TSPAN11: variants seen among roughly 807,000 people sequenced by gnomAD.
TSPAN11 encodes tetraspanin 11, also known as tetraspanin-11.
In TSPAN11, 29 loss-of-function variants were observed where a neutral mutation model predicts 32.9. The ratio of observed to expected loss-of-function variants is 0.88; its 90% confidence interval spans 0.66 to 1.20. The LOEUF is 1.20. TSPAN11 is among the 50% of genes most tolerant of loss of function. TSPAN11 has a pLI of 0.00. For missense variants in TSPAN11, 283 were observed against 329.1 expected (o/e 0.86, Z 1.08); for synonymous variants, 140 against 141.3 (o/e 0.99, Z 0.07).
downstream of TSPAN11, chr12:30,996,737 T>C (rs979394892): frequency 6.6e-6 from 1 of 152,142 alleles, no homozygotes; most frequent in African/African-American, 2.4e-5. Context: ...ATTGGCCACA[T>C]TGGATAGGGT....
At chr12:30,930,762 C>T (rs1937904062) in intron 1 of TSPAN11, among the ~76,000 whole-genome samples, 1 of 152,184 alleles carries the variant, frequency 6.6e-6, no homozygotes. Flanking sequence ...GCTGGTCTCC[C>T]CTGTAGTAGT....
chr12:31,015,516 C>T, the TSPAN11 span: 1 of 152,354 alleles, frequency 6.6e-6, no homozygotes, highest in South Asian at 2.1e-4. The surrounding 1 kb of genome is among the most constrained non-coding windows in gnomAD (Gnocchi z 4.9). Flanking sequence ...ATAACAGAAG[C>T]TTCTGACTTC....
rs185650099 is a variant in TSPAN11, at chr12:30,958,242, T to C, written c.84+4167T>C. On this transcript the variant is annotated intron_variant, in intron 2 of 7. Coordinates refer to ENST00000546076, the MANE Select transcript of TSPAN11 (RefSeq NM_001370302.1). ...GACAGCAGAGGAGGTAGTGTTCTGA[T>C]TTATTTTATCAAGGGCTCTTTAAAG... 6.8e-4 allele frequency among the ~76,000 whole-genome samples: 103 copies of C among 152,240 alleles called. 1 individual carries two copies. Among genetic ancestry groups the C allele is most frequent in the Admixed American group, 2.2e-3 (34 of 15,300 alleles).
rs149809300 is a variant in TSPAN11, at chr12:30,979,549, G to A, written c.352-17G>A. The A allele has an allele frequency of 7.4e-5, 120 of 1,613,468 alleles. No homozygotes were observed. The African/African-American group carries it at 8.3e-4, about 11-fold the overall frequency. ...GGCTGGTCCCGCTGATGGGGACTTCGCTCCTACCCTCCTCAGCTGAGTGAT... is the reference window on the plus strand; with the variant it reads ...GGCTGGTCCCGCTGATGGGGACTTCACTCCTACCCTCCTCAGCTGAGTGAT... On this transcript the variant is annotated splice_polypyrimidine_tract_variant and intron_variant, in intron 4 of 7. Coordinates refer to ENST00000546076, the MANE Select transcript of TSPAN11 (RefSeq NM_001370302.1).
intron 1 of TSPAN11, among the ~76,000 whole-genome samples, chr12:30,945,448 T>C (rs963232097): frequency 3.3e-5 from 5 of 152,118 alleles, no homozygotes; most frequent in Admixed American, 1.3e-4. Flanking sequence ...CTTGTATTTA[T>C]GTCTGATTTA....
chr12:30,975,041 A>G lies in TSPAN11; in HGVS notation c.277-3520A>G, dbSNP rs1938934380. ...CAGCATTCCAGGCAGGGGGACAGGC[A>G]GGGCAAAGGCCCAAAGGCTGGACGC... On this transcript the variant is annotated intron_variant, in intron 3 of 7. Coordinates refer to ENST00000546076, the MANE Select transcript of TSPAN11 (RefSeq NM_001370302.1). This position sits in a 1 kb window ranked among gnomAD's most constrained non-coding sequence, Gnocchi z 4.5. Among the ~76,000 whole-genome samples the G allele has an allele frequency of 6.6e-6, 1 of 152,254 alleles. No individual in the cohort carries two copies. Among genetic ancestry groups the G allele is most frequent in the Non-Finnish European group, 1.5e-5 (1 of 68,040 alleles).
At chr12:30,984,242 T>C (rs1209721932) in intron 7 of TSPAN11, among the ~76,000 whole-genome samples, 1 of 152,228 alleles carries the variant, frequency 6.6e-6, no homozygotes, top group Non-Finnish European at 1.5e-5. Context: ...AGCAGAGGCT[T>C]TGGCCTCAGA....
At chr12:30,985,653 A>T (rs1434836595) in intron 7 of TSPAN11, among the ~76,000 whole-genome samples, 7 of 152,196 alleles carry the variant, frequency 4.6e-5, no homozygotes, top group Admixed American at 4.6e-4. Flanking sequence ...ATGGACACAG[A>T]CCAGGCCTGG....
At chr12:30,942,905 C>A (rs1938196032) in intron 1 of TSPAN11, among the ~76,000 whole-genome samples, 1 of 152,160 alleles carries the variant, frequency 6.6e-6, no homozygotes, top group African/African-American at 2.4e-5. Flanking sequence ...TGCCTGAATT[C>A]ATTTACCTGC....
intron 1 of TSPAN11, among the ~76,000 whole-genome samples, chr12:30,937,534 C>A (rs1016757903): frequency 2.0e-5 from 3 of 152,138 alleles, no homozygotes; most frequent in African/African-American, 7.2e-5. Flanking sequence ...GTGTCAGAAA[C>A]CCAACAGGAC....
At chr12:30,964,925 T>C (rs1168699073) in intron 3 of TSPAN11, among the ~76,000 whole-genome samples, 2 of 152,194 alleles carry the variant, frequency 1.3e-5, no homozygotes, top group African/African-American at 4.8e-5. Context: ...TTTTGAGCTC[T>C]TTTTCAGCAG....
chr12:31,001,069 C>T (rs1471878251), downstream of TSPAN11, among the ~76,000 whole-genome samples: 1 of 152,182 alleles, frequency 6.6e-6, no homozygotes, highest in African/African-American at 2.4e-5. Flanking sequence ...GTCCCTCTGA[C>T]CACTCTTCAC....
the TSPAN11 span, among the ~76,000 whole-genome samples, chr12:31,008,361 T>G: frequency 0.018 from 2,743 of 152,348 alleles, 88 homozygotes; most frequent in East Asian, 0.17. Context: ...GGTACAGCCA[T>G]GCCTGCTCCC....
In TSPAN11 at chr12:30,996,393, T is replaced by C. The variant is rs1029530827; in HGVS notation, c.*4478T>C. The C allele has an allele frequency of 6.6e-6, 1 of 152,258 alleles. No homozygotes were observed. Among genetic ancestry groups the C allele is most frequent in the Non-Finnish European group, 1.5e-5 (1 of 68,070 alleles). The allele number at this position is 152,258 out of a possible 1,614,324, so 9.4% of individuals were successfully genotyped here. A position where few individuals can be genotyped will look rare whatever the true frequency, so the allele number is the denominator to read the frequency against. On this transcript the variant is annotated 3_prime_UTR_variant, in exon 8 of 8. Transcript: ENST00000546076. ...CGTTATTCCAGGCAGCCCAATGTTG[T>C]TGAGGCCAGATGGATTCCTGGAAGC... is the stretch of plus-strand genomic sequence containing the variant.
chr12:31,004,461 C>A, the TSPAN11 span, among the ~76,000 whole-genome samples: 2 of 152,152 alleles, frequency 1.3e-5, no homozygotes, highest in African/African-American at 4.8e-5. Flanking sequence ...GATCATAGGA[C>A]CAAACTGGAC....
chr12:31,015,288 G>A, the TSPAN11 span, among the ~76,000 whole-genome samples: 1 of 152,164 alleles, frequency 6.6e-6, no homozygotes. The surrounding 1 kb of genome is among the most constrained non-coding windows in gnomAD (Gnocchi z 4.9). Flanking sequence ...TGTCTCATAA[G>A]GCAGTTTATA....
intron 1 of TSPAN11, among the ~76,000 whole-genome samples, chr12:30,942,727 T>TAAAAAA (rs10661944): frequency 2.8e-5 from 4 of 143,480 alleles, no homozygotes; most frequent in Non-Finnish European, 4.6e-5. Flanking sequence ...CAAATGAAGT[T>TAAAAAA]AAAAAAAAAA....
chr12:30,963,867 G>T lies in TSPAN11; in HGVS notation c.126G>T (p.Leu42=), dbSNP rs779204149. 10 of 1,611,972 alleles carry T rather than the reference G, an allele frequency of 6.2e-6. No individual in the cohort carries two copies. The highest frequency in any genetic ancestry group is 8.5e-6 in the Non-Finnish European group (10 of 1,180,010). The change falls in exon 3 of 8, where the codon CTG becomes CTT. Residue 42 remains leucine (L), a synonymous_variant. Transcript: ENST00000546076. ...AAVLAVGIWT[L]VEKSGYLSVL... Reference sequence around the variant, plus strand: ...TCCTGGCTGTGGGCATCTGGACCCTGGTGGAGAAGAGTGGCTACCTCAGCG... The same window carrying T: ...TCCTGGCTGTGGGCATCTGGACCCTTGTGGAGAAGAGTGGCTACCTCAGCG...
At chr12:30,962,455 T>C (rs551431289) in intron 2 of TSPAN11, among the ~76,000 whole-genome samples, 1 of 152,360 alleles carries the variant, frequency 6.6e-6, no homozygotes, top group East Asian at 1.9e-4. Context: ...AATTTCCTCA[T>C]CTGCAAAATG....
Sources: gnomAD v4.1 joint callset for allele counts (sites outside exome capture counted in the v4.1 genomes callset) on GRCh38, gnomAD v4.1.1 for gene constraint, Gnocchi (gnomAD v3.1) non-coding constraint, MANE v1.5 for transcripts, NCBI Gene and HGNC (gene_info 2026-07-23, HGNC 2026-07-21) for gene names.